Variants in RILPL2 observed in about 807,000 individuals in gnomAD.
The protein encoded by RILPL2 is RILP-like protein 2.
Under a neutral mutation model 22.2 loss-of-function variants are expected in RILPL2, and 19 were observed. The ratio of observed to expected loss-of-function variants is 0.86; its 90% CI spans 0.60 to 1.25. The LOEUF is 1.25. Ranked by LOEUF, RILPL2 falls within the 50% of genes most tolerant of loss-of-function variation. The pLI is 0.00. For synonymous variants in RILPL2, 123 were observed against 111.6 expected, an observed-to-expected ratio of 1.10 and a Z score of -0.64; for missense variants, 243 against 263.6, an observed-to-expected ratio of 0.92 and a Z score of 0.54.
chr12:123,435,041 G>A (rs950976826), intron 1 of RILPL2, among the ~76,000 whole-genome samples: 7 of 151,398 alleles, frequency 4.6e-5, no homozygotes, highest in Non-Finnish European at 7.4e-5. Flanking sequence ...ATAGCCACGC[G>A]TGGTGGCACA....
chr12:123,415,726 A>G lies in RILPL2; in HGVS notation c.*165T>C, dbSNP rs1879098114. ...TGTCTAGTTCTGCAGCCAGGGAGAA[A>G]GTGATGCCAAGAGAACCTCGTCTCC... On this transcript the variant is annotated 3_prime_UTR_variant, in exon 4 of 4. Coordinates refer to ENST00000280571, the MANE Select transcript of RILPL2 (RefSeq NM_145058.3). 1 of 745,272 alleles carries G rather than the reference A, an allele frequency of 1.3e-6. No individual in the cohort carries two copies. The highest frequency in any genetic ancestry group is 2.5e-5 in the East Asian group (1 of 40,632). 46.2% of individuals were successfully genotyped at this position (745,272 alleles called of 1,614,324 possible). A position where few individuals can be genotyped will look rare whatever the true frequency, so the allele number is the denominator to read the frequency against.
intron 2 of RILPL2, among the ~76,000 whole-genome samples, chr12:123,429,987 G>A (rs1042096418): frequency 6.7e-6 from 1 of 149,936 alleles, no homozygotes; most frequent in African/African-American, 2.5e-5. Context: ...ATGGTGGCAT[G>A]CACCTGTGGT....
At chr12:123,411,552 C>CTTTTTT (rs557553934), downstream of RILPL2, 27 of 86,214 alleles carry the variant, frequency 3.1e-4, no homozygotes, top group African/African-American at 6.6e-4. Context: ...GCTTGAAAAC[C>CTTTTTT]TTTTTTTTTT....
intron 3 of RILPL2, among the ~76,000 whole-genome samples, chr12:123,422,294 A>G (rs1240897055): frequency 6.6e-6 from 1 of 151,814 alleles, no homozygotes; most frequent in Non-Finnish European, 1.5e-5. Flanking sequence ...AGGCTGAGGC[A>G]GGTTGGTCAC....
At chr12:123,428,118 T>C (rs2139246038) in intron 2 of RILPL2, among the ~76,000 whole-genome samples, 1 of 152,242 alleles carries the variant, frequency 6.6e-6, no homozygotes, top group East Asian at 1.9e-4. Flanking sequence ...TTTAACTACC[T>C]GTGCCTGAAC....
chr12:123,412,430 T>A (rs553524729), downstream of RILPL2: 7 of 152,418 alleles, frequency 4.6e-5, no homozygotes, highest in African/African-American at 1.7e-4. Flanking sequence ...CTTGAACCAC[T>A]ATGCCTGGCC....
At chr12:123,431,447 G>C (rs907493603) in intron 1 of RILPL2, among the ~76,000 whole-genome samples, 1 of 152,182 alleles carries the variant, frequency 6.6e-6, no homozygotes, top group African/African-American at 2.4e-5. Flanking sequence ...AGTTTTGCAA[G>C]ATGAAGAGAG....
intron 2 of RILPL2, among the ~76,000 whole-genome samples, chr12:123,424,474 G>T (rs990771748): frequency 2.0e-5 from 3 of 151,910 alleles, no homozygotes; most frequent in Non-Finnish European, 2.9e-5. Flanking sequence ...TGGGATTACA[G>T]GTGTGCACCA....
At chr12:123,427,757 CT>C (rs1265530135) in intron 2 of RILPL2, among the ~76,000 whole-genome samples, 1 of 152,046 alleles carries the variant, frequency 6.6e-6, no homozygotes, top group East Asian at 1.9e-4. Context: ...GTTGCCCAGG[CT>C]GATCTCAAAC....
chr12:123,422,005 C>CTTTTTT (rs35786523), intron 3 of RILPL2, among the ~76,000 whole-genome samples: 34 of 132,338 alleles, frequency 2.6e-4, no homozygotes, highest in South Asian at 4.8e-4. Flanking sequence ...CTTTCTCTCT[C>CTTTTTT]TTTTTTTTTT....
chr12:123,432,912 C>G (rs1220620665), intron 1 of RILPL2, among the ~76,000 whole-genome samples: 1 of 151,992 alleles, frequency 6.6e-6, no homozygotes, highest in Non-Finnish European at 1.5e-5. Flanking sequence ...ATACAATTGT[C>G]ACTATCACTT....
intron 3 of RILPL2, among the ~76,000 whole-genome samples, chr12:123,422,157 G>C (rs1277922722): frequency 1.3e-5 from 2 of 151,312 alleles, no homozygotes; most frequent in Non-Finnish European, 1.5e-5. Flanking sequence ...GACCACAGGT[G>C]CAGGCCACCA....
chr12:123,434,190 G>A (rs532127859), intron 1 of RILPL2, among the ~76,000 whole-genome samples: 1 of 152,120 alleles, frequency 6.6e-6, no homozygotes, highest in East Asian at 1.9e-4. Flanking sequence ...AGGCTGAGGT[G>A]GGCGTATCAC....
At chr12:123,416,678 A>T (rs1024270893) in intron 3 of RILPL2, among the ~76,000 whole-genome samples, 3 of 152,176 alleles carry the variant, frequency 2.0e-5, no homozygotes, top group Non-Finnish European at 2.9e-5. Flanking sequence ...TCGTTCATTC[A>T]TTCACTCATT....
Position 123,430,333 on chromosome 12 carries a change from C to T in RILPL2, c.491+175G>A, listed in dbSNP as rs537601001. 7.4e-3 allele frequency among the ~76,000 whole-genome samples: 1,120 copies of T among 151,764 alleles called. 13 individuals carry two copies. Among genetic ancestry groups the T allele is most frequent in the Non-Finnish European group, 9.3e-3 (634 of 67,918 alleles). On this transcript the variant is annotated intron_variant, in intron 2 of 3. Transcript: ENST00000280571. ...CTGAGGCAGGAGAATGGCGTGAACCCGGGAGGCAGAGGTTGCAGTGAGCCG... is the reference window on the plus strand; with the variant it reads ...CTGAGGCAGGAGAATGGCGTGAACCTGGGAGGCAGAGGTTGCAGTGAGCCG...
At chr12:123,413,922 A>T (rs1445373836), downstream of RILPL2, 1 of 152,330 alleles carries the variant, frequency 6.6e-6, no homozygotes, top group African/African-American at 2.4e-5. Flanking sequence ...AGCTAGACAC[A>T]GGGTGCTGAT....
At chr12:123,422,005 CT>C (rs35786523) in intron 3 of RILPL2, among the ~76,000 whole-genome samples, 188 of 132,262 alleles carry the variant, frequency 1.4e-3, no homozygotes, top group Non-Finnish European at 1.7e-3. Flanking sequence ...CTTTCTCTCT[CT>C]TTTTTTTTTT....
intron 2 of RILPL2, among the ~76,000 whole-genome samples, chr12:123,429,968 T>C (rs1182604490): frequency 6.6e-6 from 1 of 151,122 alleles, no homozygotes; most frequent in Non-Finnish European, 1.5e-5. Context: ...ATAAGAAAAT[T>C]AGCTGGGCAT....
In RILPL2 at chr12:123,436,298, C is replaced by G; in HGVS notation, c.123G>C (p.Val41=). The G allele has an allele frequency of 6.3e-7, 1 of 1,598,754 alleles. No homozygotes were observed. Among genetic ancestry groups the G allele is most frequent in the Non-Finnish European group, 8.5e-7 (1 of 1,173,070 alleles). Residue 41 remains valine (V), a synonymous_variant, in exon 1 of 4, where the codon GTG becomes GTC. Coordinates refer to ENST00000280571, the MANE Select transcript of RILPL2 (RefSeq NM_145058.3). The surrounding 1 kb of genome is among the most constrained non-coding windows in gnomAD (Gnocchi z 6.7). ...GGCCCAACAGGTAGGAGATGTCATA[C>G]ACGTCCTCGGCGGTCAGCTGGAAGG... ...KSPFQLTAED[V]YDISYLLGRE...
Sources: gnomAD v4.1 joint callset for allele counts (sites outside exome capture counted in the v4.1 genomes callset) on GRCh38, gnomAD v4.1.1 for gene constraint, Gnocchi (gnomAD v3.1) non-coding constraint, MANE v1.5 for transcripts, NCBI Gene and HGNC (gene_info 2026-07-23, HGNC 2026-07-21) for gene names.